Variants in MGST1 observed in about 807,000 individuals in gnomAD.
MGST1 encodes the protein glutathione S-transferase 12.
Under a neutral mutation model 8.9 loss-of-function variants are expected in MGST1, and 5 were observed. The observed-to-expected ratio is 0.56, with a 90% CI of 0.29 to 1.19. The LOEUF (loss-of-function observed/expected upper bound fraction) is 1.19. Among genes scored for constraint, MGST1 ranks in the 50% most tolerant of loss-of-function variants. The pLI is 0.08. For missense variants in MGST1, 182 were observed against 187.4 expected (o/e 0.97, Z 0.17); for synonymous variants, 54 against 67.8 (o/e 0.80, Z 1.00).
chr12:16,463,290 C>A (rs1941233014), intron 4 of MGST1, among the ~76,000 whole-genome samples: 2 of 152,190 alleles, frequency 1.3e-5, no homozygotes, highest in South Asian at 4.1e-4. Context: ...CTCAAGCCAT[C>A]CTCCTTGCCT....
chr12:16,489,998 C>T (rs901723228), intron 4 of MGST1, among the ~76,000 whole-genome samples: 1 of 152,164 alleles, frequency 6.6e-6, no homozygotes, highest in East Asian at 1.9e-4. Flanking sequence ...TGTGGTGGCT[C>T]ATGTCTATAA....
At chr12:16,373,036 A>G (rs556483012) in intron 3 of MGST1, among the ~76,000 whole-genome samples, 2 of 148,768 alleles carry the variant, frequency 1.3e-5, no homozygotes, top group South Asian at 4.2e-4. Flanking sequence ...ACTATGTGTT[A>G]CATAATGGAA....
At position 16,364,132 on chromosome 12, in the gene MGST1, G is replaced by A; in HGVS notation, c.*91G>A. The A allele has an allele frequency of 2.1e-6, 3 of 1,460,652 alleles. No individual in the cohort carries two copies. Among genetic ancestry groups the A allele is most frequent in the Non-Finnish European group, 2.7e-6 (3 of 1,103,792 alleles). The allele number at this position is 1,460,652 out of a possible 1,614,324, so 90.5% of individuals were successfully genotyped here. A position where few individuals can be genotyped will look rare whatever the true frequency, so the allele number is the denominator to read the frequency against. ...ATACTTTCTTAGATTTTAGGTAGGA[G>A]GGGAGCAGAGGAATTATGAACTGGG... On this transcript the variant is annotated 3_prime_UTR_variant, in exon 4 of 4. Transcript: ENST00000396210. The surrounding 1 kb of genome is among the most constrained non-coding windows in gnomAD (Gnocchi z 5.7).
Position 16,389,892 on chromosome 12 carries a change from G to A in MGST1, n.778+6288G>A, listed in dbSNP as rs1343240781. On this transcript the variant is annotated intron_variant and non_coding_transcript_variant, in intron 1 of 1. Coordinates refer to the MGST1 transcript ENST00000359720. This position sits in a 1 kb window ranked among gnomAD's most constrained non-coding sequence, Gnocchi z 4.6. Reference sequence around the variant, plus strand: ...AGGGGAAGTTGTAATGAAGAGTGAGGCAGGATTGCGTAAGTAGAAAAAGAG... The same window carrying A: ...AGGGGAAGTTGTAATGAAGAGTGAGACAGGATTGCGTAAGTAGAAAAAGAG... Among the ~76,000 whole-genome samples, 1 of 152,098 alleles carries A rather than the reference G, an allele frequency of 6.6e-6. No homozygotes were observed. Among genetic ancestry groups the A allele is most frequent in the Non-Finnish European group, 1.5e-5 (1 of 68,030 alleles).
intron 4 of MGST1, among the ~76,000 whole-genome samples, chr12:16,455,444 C>G (rs181171766): frequency 6.8e-6 from 1 of 148,118 alleles, no homozygotes; most frequent in Admixed American, 6.8e-5. Context: ...ATTTAGTTCA[C>G]TTTTTTTTTT....
At chr12:16,434,490 A>G (rs1293179403) in intron 1 of MGST1, among the ~76,000 whole-genome samples, 1 of 151,332 alleles carries the variant, frequency 6.6e-6, no homozygotes. Context: ...ACATGCTTCA[A>G]CTAGATTTGG....
At position 16,544,207 on chromosome 12, in the gene MGST1, C is replaced by A. The variant is rs7487862; in HGVS notation, n.483-45321C>A. Among the ~76,000 whole-genome samples, 66,852 of 147,652 alleles carry A rather than the reference C, an allele frequency of 0.45. 15,566 individuals carry two copies. Among genetic ancestry groups the A allele is most frequent in the African/African-American group, 0.59 (23,815 of 40,228 alleles). On this transcript the variant is annotated intron_variant and non_coding_transcript_variant, in intron 4 of 4. Coordinates refer to the MGST1 transcript ENST00000538857. This position sits in a 1 kb window ranked among gnomAD's most constrained non-coding sequence, Gnocchi z 4.8. ...TCAAAACAAACTTTTTAAATTGACA[C>A]CTTAAGTAAGAACTACACACACACA...
chr12:16,519,728 T>C (rs1463664597), intron 4 of MGST1, among the ~76,000 whole-genome samples: 1 of 152,152 alleles, frequency 6.6e-6, no homozygotes, highest in African/African-American at 2.4e-5. Flanking sequence ...GCTTCATACC[T>C]CTTAAGTCTT....
intron 4 of MGST1, among the ~76,000 whole-genome samples, chr12:16,504,374 C>T (rs117852169): frequency 1.4e-4 from 22 of 152,298 alleles, no homozygotes; most frequent in South Asian, 2.1e-4. Context: ...CTTTCTCCCA[C>T]GCCTAGATGC....
At chr12:16,496,607 T>C (rs1197779321) in intron 4 of MGST1, among the ~76,000 whole-genome samples, 1 of 152,076 alleles carries the variant, frequency 6.6e-6, no homozygotes, top group East Asian at 1.9e-4. Context: ...CAGTAGTTAG[T>C]GTTTCAACCC....
downstream of MGST1, among the ~76,000 whole-genome samples, chr12:16,590,810 C>G (rs755436731): frequency 1.3e-5 from 2 of 151,930 alleles, no homozygotes; most frequent in African/African-American, 2.4e-5. Context: ...ATCAAACATG[C>G]GACTATATCA....
intron 4 of MGST1, among the ~76,000 whole-genome samples, chr12:16,505,797 C>T (rs1478026592): frequency 6.6e-6 from 1 of 152,180 alleles, no homozygotes; most frequent in African/African-American, 2.4e-5. Context: ...CACCTTATTG[C>T]TTCAAGCAGG....
downstream of MGST1, chr12:16,364,515 C>T (rs946241819): frequency 2.3e-5 from 11 of 485,708 alleles, no homozygotes; most frequent in Admixed American, 1.3e-4. This position sits in a 1 kb window ranked among gnomAD's most constrained non-coding sequence, Gnocchi z 5.7. Flanking sequence ...TGCTTAGAAT[C>T]GCCAGTTGTT....
At chr12:16,554,007 A>AT (rs1942090746) in intron 4 of MGST1, among the ~76,000 whole-genome samples, 1 of 152,184 alleles carries the variant, frequency 6.6e-6, no homozygotes. Flanking sequence ...AGTTCAATTA[A>AT]TTTTACCCTC....
rs1941823488 is a variant in MGST1, at chr12:16,546,318, G to T, written n.483-43210G>T. ...ATTTGTACTATGGCCACTAAATTTGGTATAGTTAATGCCAACCACTTTGCC... is the reference window on the plus strand; with the variant it reads ...ATTTGTACTATGGCCACTAAATTTGTTATAGTTAATGCCAACCACTTTGCC... On this transcript the variant is annotated intron_variant and non_coding_transcript_variant, in intron 4 of 4. Transcript: ENST00000538857. The surrounding 1 kb of genome is among the most constrained non-coding windows in gnomAD (Gnocchi z 4.7). Among the ~76,000 whole-genome samples the T allele has an allele frequency of 6.6e-6, 1 of 152,044 alleles. No homozygotes were observed.
intron 4 of MGST1, among the ~76,000 whole-genome samples, chr12:16,580,847 T>C (rs1314075573): frequency 6.6e-6 from 1 of 152,226 alleles, no homozygotes; most frequent in Admixed American, 6.5e-5. Context: ...TAAAAGCTTT[T>C]ATTAATTATA....
chr12:16,386,319 C>T (rs80175732), intron 1 of MGST1, among the ~76,000 whole-genome samples: 1,838 of 152,240 alleles, frequency 0.012, 31 homozygotes, highest in African/African-American at 0.042. Flanking sequence ...GAAAGTGCTC[C>T]GCAGGCTCTG....
intron 4 of MGST1, among the ~76,000 whole-genome samples, chr12:16,558,782 G>T (rs1249570175): frequency 3.9e-5 from 6 of 152,094 alleles, no homozygotes; most frequent in African/African-American, 1.4e-4. Context: ...GGAAAGTCAA[G>T]TTAATGGAAT....
intron 1 of MGST1, among the ~76,000 whole-genome samples, chr12:16,427,615 C>A (rs986368698): frequency 2.0e-5 from 3 of 152,152 alleles, no homozygotes; most frequent in Non-Finnish European, 4.4e-5. Flanking sequence ...CTTCTGGCCT[C>A]AAGTGATCCG....
Sources: allele counts gnomAD v4.1 joint callset (sites outside exome capture counted in the v4.1 genomes callset), GRCh38; gene constraint gnomAD v4.1.1; non-coding constraint Gnocchi (gnomAD v3.1); transcripts MANE v1.5; gene names NCBI Gene and HGNC (gene_info 2026-07-23, HGNC 2026-07-21).